SLC30A8: variants seen among roughly 807,000 people sequenced by gnomAD.
The protein encoded by SLC30A8 is proton-coupled zinc antiporter SLC30A8.
In SLC30A8, 27 loss-of-function variants were observed where a neutral mutation model predicts 36.9. The observed-to-expected ratio is 0.73, with a 90% CI of 0.54 to 1.01. The LOEUF (loss-of-function observed/expected upper bound fraction) is 1.01, where lower values mean the gene tolerates loss of function less well. Among genes scored for constraint, SLC30A8 ranks in the 50% least tolerant of loss-of-function variants. The probability of loss-of-function intolerance (pLI) is 0.00; values close to 1 mark genes in which losing one functional copy is unlikely to be tolerated. For missense variants in SLC30A8, 439 were observed against 452.0 expected, an observed-to-expected ratio of 0.97 and a Z score of 0.26; for synonymous variants, 164 against 172.4, an observed-to-expected ratio of 0.95 and a Z score of 0.38.
chr8:117,086,999 T>C (rs1265059568), intron 2 of SLC30A8, among the ~76,000 whole-genome samples: 1 of 152,218 alleles, frequency 6.6e-6, no homozygotes, highest in Non-Finnish European at 1.5e-5. Context: ...TGGCTGTATG[T>C]ATATAGGCAT....
upstream of SLC30A8, among the ~76,000 whole-genome samples, chr8:117,134,240 G>C (rs1821258173): frequency 1.3e-5 from 2 of 151,948 alleles, no homozygotes; most frequent in African/African-American, 4.8e-5. Context: ...TCACTAGAAA[G>C]TTAGTGTTCA....
chr8:117,054,494 T>G (rs1374192140), intron 2 of SLC30A8, among the ~76,000 whole-genome samples: 8 of 152,146 alleles, frequency 5.3e-5, no homozygotes, highest in African/African-American at 1.9e-4. Flanking sequence ...GGTATGTGAT[T>G]CTTAATGGTA....
chr8:117,089,929 G>A (rs1819035558), intron 2 of SLC30A8, among the ~76,000 whole-genome samples: 1 of 151,950 alleles, frequency 6.6e-6, no homozygotes, highest in African/African-American at 2.4e-5. Context: ...TCTGCACTTG[G>A]GATTTTACAC....
intron 2 of SLC30A8, among the ~76,000 whole-genome samples, chr8:117,093,760 CT>C (rs1819237935): frequency 6.6e-6 from 1 of 152,176 alleles, no homozygotes; most frequent in Admixed American, 6.5e-5. Flanking sequence ...CTGAGTTTTG[CT>C]TGGGCCCTCT....
chr8:117,078,758 C>T (rs1299503169), intron 2 of SLC30A8, among the ~76,000 whole-genome samples: 9 of 152,146 alleles, frequency 5.9e-5, no homozygotes, highest in Admixed American at 5.2e-4. Flanking sequence ...ATGAACACAG[C>T]TTAGTGCAGC....
At chr8:117,136,195 G>T (rs961267494) in intron 1 of SLC30A8, among the ~76,000 whole-genome samples, 2 of 151,924 alleles carry the variant, frequency 1.3e-5, no homozygotes, top group Non-Finnish European at 2.9e-5. Flanking sequence ...AAATAAAAAG[G>T]AATTAAAGTA....
At position 117,058,152 on chromosome 8, in the gene SLC30A8, C is replaced by T. The variant is rs540355323; in HGVS notation, c.-226+18894C>T. Among the ~76,000 whole-genome samples the T allele has an allele frequency of 9.2e-5, 14 of 152,124 alleles. No individual in the cohort carries two copies. In the East Asian group the frequency reaches 1.5e-3, roughly 17 times the overall value. ...TCTCATGATTAGTGATGTTGAGGAC[C>T]TTTTTGTATGTCTGTTGGCCATTTG... On this transcript the variant is annotated intron_variant, in intron 2 of 10. Coordinates refer to the SLC30A8 transcript ENST00000427715.
intron 1 of SLC30A8, among the ~76,000 whole-genome samples, chr8:117,034,056 A>G (rs1817136642): frequency 6.6e-6 from 1 of 152,216 alleles, no homozygotes; most frequent in South Asian, 2.1e-4. Context: ...GTTGTCCTAT[A>G]TACTCAGAAA....
chr8:117,030,415 G>A (rs1225431097), intron 1 of SLC30A8, among the ~76,000 whole-genome samples: 4 of 152,106 alleles, frequency 2.6e-5, no homozygotes, highest in Non-Finnish European at 5.9e-5. Context: ...TCCAGTTAAC[G>A]TTGCCTCCCA....
At chr8:117,011,948 A>G (rs968840706) in intron 1 of SLC30A8, among the ~76,000 whole-genome samples, 1 of 152,342 alleles carries the variant, frequency 6.6e-6, no homozygotes, top group Non-Finnish European at 1.5e-5. Flanking sequence ...CTTGTTTCAC[A>G]GTGGGTAAGT....
At chr8:117,051,077 A>G (rs1817692162) in intron 2 of SLC30A8, among the ~76,000 whole-genome samples, 1 of 152,254 alleles carries the variant, frequency 6.6e-6, no homozygotes, top group African/African-American at 2.4e-5. Context: ...TATAATCTAA[A>G]AAGATAATTT....
At chr8:117,065,911 T>G (rs1818153938) in intron 2 of SLC30A8, among the ~76,000 whole-genome samples, 1 of 152,178 alleles carries the variant, frequency 6.6e-6, no homozygotes, top group Admixed American at 6.5e-5. Flanking sequence ...CTAGGGCTGG[T>G]GGAGCCTGGG....
chr8:117,008,257 G>A (rs1816243472), intron 1 of SLC30A8, among the ~76,000 whole-genome samples: 1 of 152,168 alleles, frequency 6.6e-6, no homozygotes, highest in African/African-American at 2.4e-5. Flanking sequence ...TATTGTATTT[G>A]GAGGACTAAA....
intron 2 of SLC30A8, among the ~76,000 whole-genome samples, chr8:117,106,526 A>G (rs755316848): frequency 5.9e-5 from 9 of 152,154 alleles, no homozygotes; most frequent in Non-Finnish European, 8.8e-5. Context: ...GCAAAAGAGG[A>G]TTTTAGAGTT....
intron 1 of SLC30A8, among the ~76,000 whole-genome samples, chr8:117,137,299 CCTCCTCTTTT>C (rs539240785): frequency 2.3e-3 from 356 of 152,054 alleles, no homozygotes; most frequent in Non-Finnish European, 4.1e-3. Flanking sequence ...CCCTGATATT[CCTCCTCTTTT>C]CTCCTTCTAC....
chr8:117,037,603 C>T (rs769932232), intron 1 of SLC30A8, among the ~76,000 whole-genome samples: 2 of 152,138 alleles, frequency 1.3e-5, no homozygotes, highest in Non-Finnish European at 2.9e-5. Flanking sequence ...GAAGCTCCCC[C>T]TCCCACAGAG....
At chr8:116,974,456 T>C (rs1246059528) in intron 1 of SLC30A8, among the ~76,000 whole-genome samples, 1 of 152,224 alleles carries the variant, frequency 6.6e-6, no homozygotes, top group Non-Finnish European at 1.5e-5. Flanking sequence ...TCACTGGCCA[T>C]CAGAGAAATG....
chr8:117,168,684 A>G (rs1038891845), intron 6 of SLC30A8, among the ~76,000 whole-genome samples: 2 of 152,150 alleles, frequency 1.3e-5, no homozygotes, highest in Admixed American at 6.6e-5. Context: ...CTTAATTTCA[A>G]AGGGCCTAGA....
intron 1 of SLC30A8, among the ~76,000 whole-genome samples, chr8:116,954,109 G>A (rs1418904602): frequency 6.6e-6 from 1 of 152,160 alleles, no homozygotes; most frequent in Non-Finnish European, 1.5e-5. Context: ...ATTGGATGTG[G>A]GAGTGAGGGA....
Sources: gnomAD v4.1 joint callset for allele counts (sites outside exome capture counted in the v4.1 genomes callset) on GRCh38, gnomAD v4.1.1 for gene constraint, MANE v1.5 for transcripts, NCBI Gene and HGNC (gene_info 2026-07-23, HGNC 2026-07-21) for gene names.